Variants in TPO observed in about 807,000 individuals in gnomAD.
TPO encodes the protein thyroid microsomal antigen.
A neutral mutation model predicts 96.9 loss-of-function variants in TPO; 78 were observed. The ratio of observed to expected loss-of-function variants is 0.81; its 90% CI spans 0.67 to 0.97. The LOEUF is 0.97. Among genes scored for constraint, TPO ranks in the 50% least tolerant of loss-of-function variants. The pLI is 0.00. For synonymous variants in TPO, 547 were observed against 538.0 expected, an observed-to-expected ratio of 1.02 and a Z score of -0.23; for missense variants, 1,252 against 1,274.8, an observed-to-expected ratio of 0.98 and a Z score of 0.27.
At chr2:1,542,178 G>A (rs901117746) in intron 16 of TPO, 3 of 604,570 alleles carry the variant, frequency 5.0e-6, no homozygotes, top group Non-Finnish European at 8.8e-6. Context: ...GCGGATTGCA[G>A]ATCCCACTCT....
chr2:1,388,496 G>A (rs1291666382), intron 1 of TPO, among the ~76,000 whole-genome samples: 1 of 152,164 alleles, frequency 6.6e-6, no homozygotes, highest in Non-Finnish European at 1.5e-5. Flanking sequence ...TGTGGGTGTA[G>A]GACCCTCCGA....
At chr2:1,526,624 C>T (rs1412024840) in intron 15 of TPO, among the ~76,000 whole-genome samples, 4 of 147,378 alleles carry the variant, frequency 2.7e-5, no homozygotes, top group Non-Finnish European at 4.5e-5. Context: ...TGTGCAACCT[C>T]CCCAAATCTC....
chr2:1,414,758 GA>G (rs906931910), intron 2 of TPO, among the ~76,000 whole-genome samples: 14 of 150,996 alleles, frequency 9.3e-5, no homozygotes, highest in Middle Eastern at 3.4e-3. Flanking sequence ...TCATATAACT[GA>G]AAAAAAAATT....
chr2:1,412,796 GA>G (rs1207792560), upstream of TPO, among the ~76,000 whole-genome samples: 1 of 152,156 alleles, frequency 6.6e-6, no homozygotes, highest in African/African-American at 2.4e-5. Flanking sequence ...TTCATGATGA[GA>G]TACAGCCTGA....
At chr2:1,424,109 C>A (rs1245291542) in intron 3 of TPO, among the ~76,000 whole-genome samples, 3 of 152,148 alleles carry the variant, frequency 2.0e-5, no homozygotes, top group Non-Finnish European at 2.9e-5. Flanking sequence ...GACATGTGCC[C>A]AAGATGGCTG....
intron 1 of TPO, among the ~76,000 whole-genome samples, chr2:1,377,357 C>CT (rs1303635604): frequency 2.0e-5 from 3 of 152,176 alleles, no homozygotes. Context: ...AGCCATGGCC[C>CT]TTTTGTGATT....
chr2:1,464,669 CAT>C (rs935265963), intron 7 of TPO, among the ~76,000 whole-genome samples: 42 of 152,164 alleles, frequency 2.8e-4, no homozygotes, highest in African/African-American at 9.2e-4. Context: ...AGCATTTTTT[CAT>C]ATGTTTGTTG....
chr2:1,484,671 G>A lies in TPO; in HGVS notation c.1414G>A (p.Gly472Ser), dbSNP rs772726534. The change falls in exon 9 of 17, where the codon GGC becomes AGC. Residue 472 changes from glycine to serine, a missense_variant. By Grantham distance (56) the Gly-to-Ser change is moderately conservative. Coordinates refer to ENST00000329066, the MANE Select transcript of TPO (RefSeq NM_001206744.2). ...CCAGCAGTACGTGGGTCCCTATGAA[G>A]GCTATGACTCCACCGCCAACCCCAC... ...AFQQYVGPYE[G>S]YDSTANPTVS... 2 of 1,614,016 alleles carry A rather than the reference G, an allele frequency of 1.2e-6. No individual in the cohort carries two copies. Among genetic ancestry groups the A allele is most frequent in the African/African-American group, 1.3e-5 (1 of 74,896 alleles).
At chr2:1,405,831 CA>C (rs1444090232) in intron 1 of TPO, among the ~76,000 whole-genome samples, 1 of 152,112 alleles carries the variant, frequency 6.6e-6, no homozygotes, top group Non-Finnish European at 1.5e-5. Flanking sequence ...TTGGTTTATT[CA>C]AAAAGAAATA....
intron 8 of TPO, among the ~76,000 whole-genome samples, chr2:1,479,333 T>G (rs1670315214): frequency 6.6e-6 from 1 of 152,266 alleles, no homozygotes; most frequent in South Asian, 2.1e-4. Flanking sequence ...CATTTAATTC[T>G]TGTTTCTCAG....
At position 1,455,524 on chromosome 2, in the gene TPO, C is replaced by G. The variant is rs926669630; in HGVS notation, c.613-552C>G. Among the ~76,000 whole-genome samples the G allele has an allele frequency of 2.6e-5, 4 of 152,204 alleles. No homozygotes were observed. In the East Asian group the frequency reaches 5.8e-4, roughly 22 times the overall value. ...CTCCATCTGGACCTAGCCTGTGAGA[C>G]AGGGAAGCTTGTCGTCTGCTCTCCA... On this transcript the variant is annotated intron_variant, in intron 6 of 16. Transcript: ENST00000329066.
At chr2:1,377,139 A>G (rs969652344) in intron 1 of TPO, among the ~76,000 whole-genome samples, 23 of 152,320 alleles carry the variant, frequency 1.5e-4, no homozygotes, top group African/African-American at 5.5e-4. Context: ...TGTTCCTTTA[A>G]AACTGGAATT....
chr2:1,449,677 G>A (rs774228380), intron 5 of TPO, among the ~76,000 whole-genome samples: 10 of 151,536 alleles, frequency 6.6e-5, no homozygotes, highest in Non-Finnish European at 8.8e-5. Context: ...TCAAATAAAT[G>A]TATTAGTCTT....
chr2:1,414,435 C>A lies in TPO; in HGVS notation c.27C>A (p.Val9=). 1 of 1,614,024 alleles carries A rather than the reference C, an allele frequency of 6.2e-7. No homozygotes were observed. Among genetic ancestry groups the A allele is most frequent in the Non-Finnish European group, 8.5e-7 (1 of 1,179,984 alleles). Residue 9 remains valine (V), a synonymous_variant, in exon 2 of 17, where the codon GTC becomes GTA. Transcript: ENST00000329066. MRALAVLS[V]TLVMACTEAF... is the part of the protein sequence containing the mutation. ...TGAGAGCGCTCGCTGTGCTGTCTGT[C>A]ACGCTGGTTATGGCCTGCACAGAAG...
chr2:1,462,080 C>T (rs1317419453), intron 7 of TPO, among the ~76,000 whole-genome samples: 3 of 152,184 alleles, frequency 2.0e-5, no homozygotes, highest in Non-Finnish European at 4.4e-5. Context: ...TGCCCTATTT[C>T]AACTTTCTCT....
chr2:1,464,028 C>T (rs998929236), intron 7 of TPO, among the ~76,000 whole-genome samples: 4 of 152,274 alleles, frequency 2.6e-5, no homozygotes, highest in South Asian at 2.1e-4. Flanking sequence ...CAATTTGTAG[C>T]TTTTTATCTC....
intron 14 of TPO, among the ~76,000 whole-genome samples, chr2:1,506,763 C>T (rs912175219): frequency 1.3e-5 from 2 of 152,090 alleles, no homozygotes; most frequent in African/African-American, 2.4e-5. Flanking sequence ...TGTTTGAGTT[C>T]ATTGTAGATT....
In TPO at chr2:1,487,925, T is replaced by A; in HGVS notation, c.1702T>A (p.Ser568Thr). The change falls in exon 10 of 17, where the codon TCC (serine) becomes ACC (threonine). Residue 568 changes from serine to threonine, a missense_variant. By Grantham distance (58) the Ser-to-Thr change is moderately conservative. Coordinates refer to ENST00000329066, the MANE Select transcript of TPO (RefSeq NM_001206744.2). ...EELTERLFVL[S>T]NSSTLDLASI... ...GCTGACGGAAAGGCTCTTTGTGCTG[T>A]CCAATTCCAGCACCTTGGATCTGGC... 2 of 1,614,158 alleles carry A rather than the reference T, an allele frequency of 1.2e-6. No individual in the cohort carries two copies. Among genetic ancestry groups the A allele is most frequent in the Non-Finnish European group, 1.7e-6 (2 of 1,180,038 alleles).
Position 1,408,085 on chromosome 2 carries a change from C to A in TPO, n.180+33683C>A, listed in dbSNP as rs145637929. Among the ~76,000 whole-genome samples, 774 of 152,328 alleles carry A rather than the reference C, an allele frequency of 5.1e-3. 8 individuals are homozygous for A. The highest frequency in any genetic ancestry group is 8.3e-3 in the Non-Finnish European group (567 of 68,030). ...GAAAGGGACTTGAGCACTACTTGGG[C>A]CTTCTGACGCCAGAGTTACAGAATG... On this transcript the variant is annotated intron_variant and non_coding_transcript_variant, in intron 1 of 5. Coordinates refer to the TPO transcript ENST00000497517.
Sources: allele counts gnomAD v4.1 joint callset (sites outside exome capture counted in the v4.1 genomes callset), GRCh38; gene constraint gnomAD v4.1.1; transcripts MANE v1.5; gene names NCBI Gene and HGNC (gene_info 2026-07-23, HGNC 2026-07-21).